DPP6: variants seen among roughly 807,000 people sequenced by gnomAD.
The protein encoded by DPP6 is A-type potassium channel modulatory protein DPP6.
A neutral mutation model predicts 122.6 loss-of-function variants in DPP6; 69 were observed. The observed-to-expected ratio is 0.56, with a 90% CI of 0.46 to 0.69. The LOEUF (loss-of-function observed/expected upper bound fraction) is 0.69. Among genes scored for constraint, DPP6 ranks in the 30% least tolerant of loss-of-function variants. The pLI, the probability that DPP6 is intolerant of heterozygous loss-of-function variation, is 0.00. For synonymous variants in DPP6, 418 were observed against 433.1 expected, an observed-to-expected ratio of 0.97 and a Z score of 0.43; for missense variants, 928 against 1,116.9, an observed-to-expected ratio of 0.83 and a Z score of 2.41.
intron 3 of DPP6, among the ~76,000 whole-genome samples, chr7:154,526,640 G>A (rs1285557236): frequency 6.6e-6 from 1 of 152,114 alleles, no homozygotes; most frequent in Non-Finnish European, 1.5e-5. Flanking sequence ...TTATAAATAT[G>A]GTCCAACTAA....
intron 12 of DPP6, 145 bp downstream of exon 12, chr7:154,796,028 C>T (rs1798032510): frequency 7.6e-7 from 1 of 1,320,188 alleles, no homozygotes; most frequent in Non-Finnish European, 1.0e-6. Flanking sequence ...CGTGCCGGCT[C>T]CACTCACGGT....
At position 154,443,621 on chromosome 7, in the gene DPP6, T is replaced by C. The variant is rs9690715; in HGVS notation, c.244-2593T>C. On this transcript the variant is annotated intron_variant, in intron 1 of 25. Transcript: ENST00000377770. ...GGATGGGTGAATGGATGGATGGATA[T>C]GTCGATGAATGTGGATGGATGGATG... is the stretch of plus-strand genomic sequence containing the variant. Among the ~76,000 whole-genome samples, 12 of 115,664 alleles carry C rather than the reference T, an allele frequency of 1.0e-4. 1 individual carries two copies. Among genetic ancestry groups the C allele is most frequent in the South Asian group, 7.0e-4 (3 of 4,292 alleles). 75.9% of individuals were successfully genotyped at this position (115,664 alleles called of 152,430 possible).
intron 6 of DPP6, among the ~76,000 whole-genome samples, chr7:154,649,181 T>C (rs1307367170): frequency 6.6e-6 from 1 of 152,198 alleles, no homozygotes; most frequent in African/African-American, 2.4e-5. Flanking sequence ...ATAATTGCTT[T>C]TGAGATTCAC....
chr7:153,770,414 C>G, the DPP6 span, among the ~76,000 whole-genome samples: 53,987 of 151,964 alleles, frequency 0.36, 10,251 homozygotes, highest in South Asian at 0.48. Flanking sequence ...ATCCTAAACC[C>G]AAGGTACTGA....
intron 1 of DPP6, among the ~76,000 whole-genome samples, chr7:154,386,113 C>T (rs1416435484): frequency 2.0e-5 from 3 of 152,174 alleles, no homozygotes; most frequent in African/African-American, 7.2e-5. Context: ...GTGGACATCG[C>T]TGCCTTATTT....
intron 1 of DPP6, among the ~76,000 whole-genome samples, chr7:154,202,046 G>A (rs974442664): frequency 3.3e-5 from 5 of 152,178 alleles, no homozygotes; most frequent in African/African-American, 1.2e-4. Flanking sequence ...CCTAAAAGTG[G>A]AGCTACGACT....
rs1243263805 is a variant in DPP6 at position 154,087,419 on chromosome 7, T to A, written c.243+34356T>A. ...GACTACTCTGTCTGCTCTCTACAGC[T>A]GAAGAAGGACTGAATATGGGTTGGA... is the stretch of plus-strand genomic sequence containing the variant. On this transcript the variant is annotated intron_variant, in intron 1 of 25. Coordinates refer to ENST00000377770, the MANE Select transcript of DPP6 (RefSeq NM_130797.4). Among the ~76,000 whole-genome samples, 4 of 152,156 alleles carry A rather than the reference T, an allele frequency of 2.6e-5. No individual in the cohort carries two copies. The South Asian group carries it at 6.2e-4, about 24-fold the overall frequency.
At chr7:154,544,474 G>T (rs1452653030) in intron 4 of DPP6, among the ~76,000 whole-genome samples, 2 of 152,132 alleles carry the variant, frequency 1.3e-5, no homozygotes, top group Non-Finnish European at 2.9e-5. Flanking sequence ...TCAGCACCAT[G>T]ACCTGCACAT....
intron 1 of DPP6, among the ~76,000 whole-genome samples, chr7:154,132,243 A>G (rs1157755884): frequency 2.6e-5 from 4 of 152,196 alleles, no homozygotes; most frequent in Non-Finnish European, 5.9e-5. Flanking sequence ...CTGGCTTAAT[A>G]TTGATCTGAC....
intron 1 of DPP6, among the ~76,000 whole-genome samples, chr7:154,138,484 A>G (rs1795690363): frequency 6.6e-6 from 1 of 152,224 alleles, no homozygotes; most frequent in Non-Finnish European, 1.5e-5. Context: ...GAACAGCTCA[A>G]ATGGAAAGCT....
chr7:153,899,526 T>C (rs778415895), intron 1 of DPP6, among the ~76,000 whole-genome samples: 1 of 152,226 alleles, frequency 6.6e-6, no homozygotes, highest in African/African-American at 2.4e-5. Context: ...GGAATGGTGG[T>C]AAATGCTGTT....
chr7:154,086,874 C>G (rs1426485243), intron 1 of DPP6, among the ~76,000 whole-genome samples: 4 of 152,144 alleles, frequency 2.6e-5, no homozygotes, highest in African/African-American at 9.7e-5. Flanking sequence ...GCCTTGGCCT[C>G]CTAAAGTAGA....
the DPP6 span, among the ~76,000 whole-genome samples, chr7:153,870,594 A>T: frequency 6.6e-6 from 1 of 152,132 alleles, no homozygotes; most frequent in Non-Finnish European, 1.5e-5. Context: ...CATTGGTTCA[A>T]ACTTCCTCCT....
chr7:154,593,149 C>G lies in DPP6; in HGVS notation c.627+26233C>G, dbSNP rs566003747. On this transcript the variant is annotated intron_variant, in intron 5 of 25. Transcript: ENST00000377770. ...CCTGTGAGGGCACCTAACAGGTGTT[C>G]ATCACATTCATCAGCATTGCCCTAC... 1.4e-4 allele frequency among the ~76,000 whole-genome samples: 21 copies of G among 152,242 alleles called. No individual in the cohort carries two copies. The Middle Eastern group carries it at 0.01, about 74-fold the overall frequency.
intron 1 of DPP6, among the ~76,000 whole-genome samples, chr7:154,293,907 CTAAGCGCACACAGGAT>C (rs1276266766): frequency 6.6e-6 from 1 of 152,146 alleles, no homozygotes; most frequent in Non-Finnish European, 1.5e-5. Flanking sequence ...TTCCTGTGTG[CTAAGCGCACACAGGAT>C]GCAAAGATGA....
At chr7:153,781,962 C>T in the DPP6 span, among the ~76,000 whole-genome samples, 4 of 123,160 alleles carry the variant, frequency 3.2e-5, no homozygotes, top group Non-Finnish European at 5.2e-5. Context: ...AGTTTTGGCC[C>T]TTTCCCCCAG....
intron 3 of DPP6, among the ~76,000 whole-genome samples, chr7:154,510,572 G>A (rs1249956968): frequency 6.6e-6 from 1 of 151,968 alleles, no homozygotes; most frequent in Non-Finnish European, 1.5e-5. Flanking sequence ...GATAGCAGGT[G>A]CCTGTAATCC....
intron 7 of DPP6, among the ~76,000 whole-genome samples, chr7:154,726,701 T>G (rs2131362132): frequency 6.6e-6 from 1 of 152,382 alleles, no homozygotes. Flanking sequence ...TATGCAAATT[T>G]CTGTAGCAGG....
At chr7:154,634,189 G>A (rs2079648138) in intron 5 of DPP6, among the ~76,000 whole-genome samples, 1 of 118,692 alleles carries the variant, frequency 8.4e-6, no homozygotes. Flanking sequence ...AGTCCCTGGT[G>A]TGTGATTTTC....
Sources: allele counts gnomAD v4.1 joint callset (sites outside exome capture counted in the v4.1 genomes callset), GRCh38; gene constraint gnomAD v4.1.1; transcripts MANE v1.5; gene names NCBI Gene and HGNC (gene_info 2026-07-23, HGNC 2026-07-21).